Variants in MTO1 observed in about 807,000 individuals in gnomAD.
MTO1 encodes the protein 5-taurinomethyluridine-[tRNA] synthase subunit MTO1, mitochondrial.
MTO1 carries 46 observed loss-of-function variants against 71.6 expected under a neutral mutation model. The observed-to-expected ratio is 0.64, with a 90% CI of 0.51 to 0.82. The LOEUF (loss-of-function observed/expected upper bound fraction) is 0.82. Among genes scored for constraint, MTO1 ranks in the 40% least tolerant of loss-of-function variants. The pLI, the probability that MTO1 is intolerant of heterozygous loss-of-function variation, is 0.00. For synonymous variants in MTO1, 297 were observed against 312.1 expected, an observed-to-expected ratio of 0.95 and a Z score of 0.51; for missense variants, 773 against 867.5, an observed-to-expected ratio of 0.89 and a Z score of 1.37.
At chr6:73,478,443 T>C (rs1288320841) in intron 4 of MTO1, among the ~76,000 whole-genome samples, 1 of 152,090 alleles carries the variant, frequency 6.6e-6, no homozygotes, top group African/African-American at 2.4e-5. Flanking sequence ...ATGGTCCTAG[T>C]TTCTGGTGAG....
At chr6:73,496,999 A>G (rs1771998232) in intron 10 of MTO1, among the ~76,000 whole-genome samples, 1 of 148,974 alleles carries the variant, frequency 6.7e-6, no homozygotes, top group Non-Finnish European at 1.5e-5. Context: ...GGTTGCAGTG[A>G]GCCGAGATCG....
At chr6:73,482,789 CTTTTTTTTTTTTT>C (rs35121302) in intron 9 of MTO1, among the ~76,000 whole-genome samples, 169 bp downstream of exon 9, 2 of 92,148 alleles carry the variant, frequency 2.2e-5, no homozygotes, top group Non-Finnish European at 3.9e-5. Flanking sequence ...TTTTTTCTTT[CTTTTTTTTTTTTT>C]TTTTTTTTTG....
chr6:73,481,182 G>C (rs1290583905), intron 7 of MTO1: 1 of 212,792 alleles, frequency 4.7e-6, no homozygotes, highest in African/African-American at 2.4e-5. Context: ...TCAAACTCCT[G>C]ACCTCAGGTG....
At chr6:73,474,142 G>T (rs979234875) in intron 4 of MTO1, among the ~76,000 whole-genome samples, 1 of 151,634 alleles carries the variant, frequency 6.6e-6, no homozygotes, top group Non-Finnish European at 1.5e-5. Flanking sequence ...ACCCAGACTG[G>T]AGAGCAGTGG....
chr6:73,463,844 G>T (rs1658167515), intron 1 of MTO1, among the ~76,000 whole-genome samples: 1 of 151,946 alleles, frequency 6.6e-6, no homozygotes, highest in South Asian at 2.1e-4. Context: ...GGGTTCAAGC[G>T]ATTTCCTGCC....
chr6:73,475,699 A>G (rs1033177133), intron 4 of MTO1, among the ~76,000 whole-genome samples: 5 of 151,796 alleles, frequency 3.3e-5, no homozygotes, highest in Non-Finnish European at 5.9e-5. Context: ...TTTTTAGTAG[A>G]TGGGGTTTCT....
In MTO1 at chr6:73,501,964, T is replaced by C. The variant is rs1195268925; in HGVS notation, c.*1229T>C. On this transcript the variant is annotated 3_prime_UTR_variant, in exon 12 of 12. Transcript: ENST00000498286. ...GTTTATTTTATCTAATTTTAGTCTTTCCAGAAAGCAGTAAGATTAGTAGCA... is the reference window on the plus strand; with the variant it reads ...GTTTATTTTATCTAATTTTAGTCTTCCCAGAAAGCAGTAAGATTAGTAGCA... The C allele has an allele frequency of 6.6e-6, 1 of 152,182 alleles. No homozygotes were observed. 9.4% of individuals were successfully genotyped at this position (152,182 alleles called of 1,614,324 possible). A position where few individuals can be genotyped will look rare whatever the true frequency, so the allele number is the denominator to read the frequency against.
At chr6:73,484,659 A>G (rs938137529) in intron 9 of MTO1, among the ~76,000 whole-genome samples, 1 of 152,200 alleles carries the variant, frequency 6.6e-6, no homozygotes, top group Non-Finnish European at 1.5e-5. Flanking sequence ...GCACCAGGAA[A>G]TGGTTGTAGT....
intron 4 of MTO1, among the ~76,000 whole-genome samples, chr6:73,474,673 C>T (rs550014831): frequency 2.0e-4 from 30 of 152,098 alleles, no homozygotes; most frequent in Non-Finnish European, 2.9e-5. Flanking sequence ...GTTTTGAACT[C>T]CTGACCTTAG....
At position 73,466,484 on chromosome 6, in the gene MTO1, G is replaced by T; in HGVS notation, c.418-5G>T. ...CATGTTTCAACTGGCATTTTCTTTT[G>T]ACAGAAAGAAATCTTGAATACACCA... On this transcript the variant is annotated splice_polypyrimidine_tract_variant and splice_region_variant and intron_variant, in intron 2 of 11. Transcript: ENST00000498286. 1 of 1,613,432 alleles carries T rather than the reference G, an allele frequency of 6.2e-7. No individual in the cohort carries two copies. Among genetic ancestry groups the T allele is most frequent in the South Asian group, 1.1e-5 (1 of 91,050 alleles).
intron 1 of MTO1, chr6:73,462,417 G>A: frequency 3.3e-6 from 1 of 303,952 alleles, no homozygotes; most frequent in East Asian, 6.5e-5. Context: ...CCAGATAAAG[G>A]GTGAATTAAC....
intron 10 of MTO1, among the ~76,000 whole-genome samples, chr6:73,497,157 C>CTTTTTTTTTTTTTTTTTT (rs765385743): frequency 5.4e-5 from 5 of 92,748 alleles, no homozygotes; most frequent in African/African-American, 8.2e-5. Flanking sequence ...GAAGCAAATT[C>CTTTTTTTTTTTTTTTTTT]TTTTTTTTTT....
At chr6:73,481,833 A>G (rs900941315) in intron 7 of MTO1, among the ~76,000 whole-genome samples, 1 of 152,122 alleles carries the variant, frequency 6.6e-6, no homozygotes, top group Non-Finnish European at 1.5e-5. Context: ...GATATCTCTG[A>G]AAACAATGAA....
intron 10 of MTO1, among the ~76,000 whole-genome samples, chr6:73,493,984 G>A (rs1771912458): frequency 6.6e-6 from 1 of 151,938 alleles, no homozygotes; most frequent in Non-Finnish European, 1.5e-5. Flanking sequence ...TGTAATCCCA[G>A]CACTTTGGGA....
chr6:73,485,844 ATGTAG>A (rs1397252881), intron 9 of MTO1, among the ~76,000 whole-genome samples: 11 of 152,344 alleles, frequency 7.2e-5, no homozygotes, highest in Admixed American at 5.9e-4. Flanking sequence ...ATGCCAGACT[ATGTAG>A]TAAGCGCTGA....
chr6:73,498,744 G>T lies in MTO1; in HGVS notation c.1917+848G>T, dbSNP rs535477123. ...CTAAAATTGCATCTTTTTTTTTTTTGAAATGGAGTCTCACTCTGTCACCAG... is the reference window on the plus strand; with the variant it reads ...CTAAAATTGCATCTTTTTTTTTTTTTAAATGGAGTCTCACTCTGTCACCAG... On this transcript the variant is annotated intron_variant, in intron 11 of 11. Coordinates refer to ENST00000498286, the MANE Select transcript of MTO1 (RefSeq NM_012123.4). 4.7e-3 allele frequency among the ~76,000 whole-genome samples: 650 copies of T among 138,962 alleles called. 6 individuals are homozygous for T. The highest frequency in any genetic ancestry group is 0.046 in the South Asian group (204 of 4,430). The allele number at this position is 138,962 out of a possible 152,430, so 91.2% of individuals were successfully genotyped here.
At chr6:73,483,013 C>T (rs866453476) in intron 9 of MTO1, among the ~76,000 whole-genome samples, 6 of 151,966 alleles carry the variant, frequency 3.9e-5, no homozygotes, top group African/African-American at 7.2e-5. Flanking sequence ...AGGATGGTCT[C>T]GATCTCCTGA....
At chr6:73,482,702 G>A in intron 9 of MTO1, 82 bp downstream of exon 9, 1 of 1,177,868 alleles carries the variant, frequency 8.5e-7, no homozygotes, top group Non-Finnish European at 1.2e-6. Context: ...CATTACCTAT[G>A]TGTTCCTACC....
chr6:73,499,747 C>T (rs1380055291), intron 11 of MTO1, among the ~76,000 whole-genome samples: 2 of 152,122 alleles, frequency 1.3e-5, no homozygotes, highest in African/African-American at 2.4e-5. Context: ...TTCTATAATA[C>T]AAAAGGCTCT....
Sources: allele counts gnomAD v4.1 joint callset (sites outside exome capture counted in the v4.1 genomes callset), GRCh38; gene constraint gnomAD v4.1.1; transcripts MANE v1.5; gene names NCBI Gene and HGNC (gene_info 2026-07-23, HGNC 2026-07-21).